RSBN1: variants seen among roughly 807,000 people sequenced by gnomAD.
RSBN1 encodes the protein round spermatid basic protein 1.
Under a neutral mutation model 74.8 loss-of-function variants are expected in RSBN1, and 23 were observed. The ratio of observed to expected loss-of-function variants is 0.31; its 90% CI spans 0.22 to 0.44. The LOEUF (loss-of-function observed/expected upper bound fraction) is 0.44, where lower values mean the gene tolerates loss of function less well. Among genes scored for constraint, RSBN1 ranks in the 20% least tolerant of loss-of-function variants. RSBN1 has a pLI of 1.00. For missense variants in RSBN1, 808 were observed against 1,020.9 expected (o/e 0.79, Z 2.84); for synonymous variants, 407 against 379.6 (o/e 1.07, Z -0.84).
intron 4 of RSBN1, among the ~76,000 whole-genome samples, chr1:113,772,356 T>C (rs1173220006): frequency 6.6e-6 from 1 of 152,024 alleles, no homozygotes; most frequent in Non-Finnish European, 1.5e-5. Flanking sequence ...ATCATACATA[T>C]ATGCAACTAT....
chr1:113,777,096 TA>T, intron 4 of RSBN1, 113 bp downstream of exon 4: 1 of 916,228 alleles, frequency 1.1e-6, no homozygotes, highest in Non-Finnish European at 1.6e-6. Context: ...AACCGACAAC[TA>T]AAACATTTAC....
chr1:113,807,845 A>T (rs1311154192), intron 1 of RSBN1, among the ~76,000 whole-genome samples: 3 of 151,748 alleles, frequency 2.0e-5, no homozygotes, highest in African/African-American at 7.3e-5. Flanking sequence ...ATTAGAAAAT[A>T]GGCAAAAGGT....
At chr1:113,800,594 T>C (rs1660562732) in intron 1 of RSBN1, among the ~76,000 whole-genome samples, 1 of 152,148 alleles carries the variant, frequency 6.6e-6, no homozygotes, top group Non-Finnish European at 1.5e-5. Flanking sequence ...TATCTCCAAA[T>C]AGATCTTGTT....
Position 113,811,786 on chromosome 1 carries a change from G to T in RSBN1, c.627C>A (p.Thr209=), listed in dbSNP as rs775458982. 23 of 1,613,678 alleles carry T rather than the reference G, an allele frequency of 1.4e-5. No individual in the cohort carries two copies. In the Admixed American group the frequency reaches 1.8e-4, roughly 13 times the overall value. The change falls in exon 1 of 7, where the codon ACC becomes ACA. Residue 209 remains threonine, a synonymous_variant. Coordinates refer to ENST00000261441, the MANE Select transcript of RSBN1 (RefSeq NM_018364.5). ...GPDGDPSSCG[T]DLKHKDKQEN... Reference sequence around the variant, plus strand: ...CCTGCTTGTCCTTGTGCTTGAGATCGGTTCCGCAGGAGCTGGGATCACCAT... The same window carrying T: ...CCTGCTTGTCCTTGTGCTTGAGATCTGTTCCGCAGGAGCTGGGATCACCAT...
chr1:113,786,893 T>G (rs965029891), intron 2 of RSBN1, among the ~76,000 whole-genome samples: 1 of 152,200 alleles, frequency 6.6e-6, no homozygotes, highest in Non-Finnish European at 1.5e-5. Context: ...ACAGAGCTCA[T>G]AAACTAATTA....
rs758023153 is a variant in RSBN1 at position 113,766,474 on chromosome 1, C to T, written c.1936-21G>A. 30 of 1,466,370 alleles carry T rather than the reference C, an allele frequency of 2.0e-5. No homozygotes were observed. The East Asian group carries it at 3.0e-4, about 15-fold the overall frequency. The allele number at this position is 1,466,370 out of a possible 1,614,324, so 90.8% of individuals were successfully genotyped here. On this transcript the variant is annotated intron_variant, in intron 6 of 6. Transcript: ENST00000261441. ...ACGCACTGAAGAAAGAAAAAAGTTA[C>T]GTGAGACTTTAAAATATGTAATAAT... is the stretch of plus-strand genomic sequence containing the variant.
chr1:113,798,397 A>T (rs899104239), intron 1 of RSBN1, among the ~76,000 whole-genome samples: 1 of 152,200 alleles, frequency 6.6e-6, no homozygotes, highest in Non-Finnish European at 1.5e-5. Flanking sequence ...ATGTAACAAC[A>T]TAGATTCTTT....
chr1:113,768,555 A>G (rs989182369), intron 4 of RSBN1, among the ~76,000 whole-genome samples, 166 bp from the exon 5 acceptor site: 3 of 152,206 alleles, frequency 2.0e-5, no homozygotes, highest in Non-Finnish European at 4.4e-5. Context: ...TTAACACACT[A>G]TATTATAATG....
chr1:113,772,181 A>G (rs554323213), intron 4 of RSBN1, among the ~76,000 whole-genome samples: 2 of 152,262 alleles, frequency 1.3e-5, no homozygotes, highest in African/African-American at 4.8e-5. Context: ...TAAAAACAGA[A>G]TATGAATTAA....
intron 2 of RSBN1, among the ~76,000 whole-genome samples, chr1:113,794,903 G>A (rs369078125): frequency 1.3e-5 from 2 of 152,060 alleles, no homozygotes; most frequent in Non-Finnish European, 2.9e-5. Flanking sequence ...ATATAGTCAC[G>A]AATAATTATT....
intron 5 of RSBN1, chr1:113,767,939 G>C (rs1659811227): frequency 4.0e-6 from 1 of 248,732 alleles, no homozygotes; most frequent in South Asian, 1.2e-4. Flanking sequence ...TAGAAACAAA[G>C]TAGAATGATG....
At chr1:113,777,564 C>A in intron 3 of RSBN1, 107 bp downstream of exon 3, 2 of 1,125,716 alleles carry the variant, frequency 1.8e-6, no homozygotes, top group Non-Finnish European at 2.5e-6. Context: ...GTGCAAAACA[C>A]TGGATAAATT....
intron 1 of RSBN1, among the ~76,000 whole-genome samples, chr1:113,808,982 T>C (rs1660774707): frequency 6.6e-6 from 1 of 152,032 alleles, no homozygotes; most frequent in Non-Finnish European, 1.5e-5. Flanking sequence ...ATGTAGCCAC[T>C]GAGGGAAACT....
In RSBN1 at chr1:113,797,331, T is replaced by G. The variant is rs1421613411; in HGVS notation, c.1377+32A>C. Reference sequence around the variant, plus strand: ...AGGTTAATTCTGTTTAGAATCGTATTTACTAATTTTTAACAACAATTTTTA... The same window carrying G: ...AGGTTAATTCTGTTTAGAATCGTATGTACTAATTTTTAACAACAATTTTTA... On this transcript the variant is annotated intron_variant, in intron 2 of 6. Coordinates refer to ENST00000261441, the MANE Select transcript of RSBN1 (RefSeq NM_018364.5). The G allele has an allele frequency of 8.9e-6, 13 of 1,468,218 alleles. No homozygotes were observed. The African/African-American group carries it at 3.1e-4, about 35-fold the overall frequency. 90.9% of individuals were successfully genotyped at this position (1,468,218 alleles called of 1,614,324 possible). A position where few individuals can be genotyped will look rare whatever the true frequency, so the allele number is the denominator to read the frequency against.
intron 5 of RSBN1, among the ~76,000 whole-genome samples, chr1:113,767,428 A>C (rs1460136578): frequency 1.3e-5 from 2 of 152,210 alleles, no homozygotes; most frequent in Non-Finnish European, 2.9e-5. Flanking sequence ...AAAAATGGCT[A>C]AAAAGAATAG....
At chr1:113,779,373 A>G (rs1048155777) in intron 2 of RSBN1, among the ~76,000 whole-genome samples, 5 of 152,206 alleles carry the variant, frequency 3.3e-5, no homozygotes, top group African/African-American at 9.6e-5. Context: ...ACAGAAAAAA[A>G]GGCTGTAGAT....
At position 113,811,770 on chromosome 1, in the gene RSBN1, C is replaced by T; in HGVS notation, c.643G>A (p.Asp215Asn). Residue 215 changes from aspartate to asparagine, a missense_variant, in exon 1 of 7, where the codon GAC (aspartate) becomes AAC (asparagine). Physicochemically the swap from Asp to Asn is conservative, Grantham distance 23 (BLOSUM62 1). This residue lies in a region of RSBN1 where 464 missense variants were observed against 401.0 expected (regional missense o/e 1.16). Coordinates refer to ENST00000261441, the MANE Select transcript of RSBN1 (RefSeq NM_018364.5). The stretch of plus-strand genomic sequence containing the variant: ...GTCCTCTCGCCGTTTTCCTGCTTGT[C>T]CTTGTGCTTGAGATCGGTTCCGCAG... ...SSCGTDLKHK[D>N]KQENGERTGG... 6.2e-7 allele frequency: 1 copy of T among 1,613,642 alleles called. No homozygotes were observed. Among genetic ancestry groups the T allele is most frequent in the South Asian group, 1.1e-5 (1 of 91,028 alleles).
intron 2 of RSBN1, among the ~76,000 whole-genome samples, chr1:113,789,992 A>G (rs575756925): frequency 8.0e-4 from 122 of 151,950 alleles, no homozygotes; most frequent in African/African-American, 2.8e-3. Flanking sequence ...TTTTATGTTC[A>G]TTTGGTATTA....
intron 2 of RSBN1, among the ~76,000 whole-genome samples, chr1:113,782,873 C>T (rs941980261): frequency 2.0e-4 from 31 of 152,118 alleles, no homozygotes; most frequent in African/African-American, 7.5e-4. Context: ...GTTCTGACTT[C>T]CATTTCCCTG....
Sources: gnomAD v4.1 joint callset for allele counts (sites outside exome capture counted in the v4.1 genomes callset) on GRCh38, gnomAD v4.1.1 for gene constraint, gnomAD v4.1.1 regional missense constraint, MANE v1.5 for transcripts, NCBI Gene and HGNC (gene_info 2026-07-23, HGNC 2026-07-21) for gene names.